The following MMP26 variants were observed in gnomAD, a reference collection of about 807,000 sequenced individuals.
MMP26 encodes the protein matrix metalloproteinase-26.
MMP26 carries 33 observed loss-of-function variants against 31.0 expected under a neutral mutation model. The ratio of observed to expected loss-of-function variants is 1.06; its 90% CI spans 0.81 to 1.42. MMP26 has a LOEUF of 1.42. Among genes scored for constraint, MMP26 ranks in the 40% most tolerant of loss-of-function variants. MMP26 has a pLI of 0.00. For synonymous variants in MMP26, 122 were observed against 114.9 expected, an observed-to-expected ratio of 1.06 and a Z score of -0.40; for missense variants, 347 against 316.1, an observed-to-expected ratio of 1.10 and a Z score of -0.74.
At chr11:4,745,059 C>T (rs2133295781) in intron 1 of MMP26, among the ~76,000 whole-genome samples, 1 of 152,086 alleles carries the variant, frequency 6.6e-6, no homozygotes, top group South Asian at 2.1e-4. Context: ...TCTTTTTTGA[C>T]TTGCTATGAC....
chr11:4,848,944 G>A, intron 2 of MMP26: 2 of 1,614,010 alleles, frequency 1.2e-6, no homozygotes, highest in African/African-American at 1.3e-5. Context: ...ATGCCCAGCA[G>A]TGTGGGCATC....
At chr11:4,724,094 C>A in intron 1 of MMP26, 1 of 638,474 alleles carries the variant, frequency 1.6e-6, no homozygotes, top group South Asian at 1.7e-5. Context: ...CAGGTCCACT[C>A]GTGTAGGAGC....
intron 2 of MMP26, among the ~76,000 whole-genome samples, chr11:4,911,284 G>C (rs1269059479): frequency 6.6e-6 from 1 of 152,112 alleles, no homozygotes; most frequent in Non-Finnish European, 1.5e-5. Context: ...TGCTTAGGAT[G>C]CTATTTTTCC....
chr11:4,774,105 T>G (rs969337070), intron 2 of MMP26, among the ~76,000 whole-genome samples: 3 of 152,230 alleles, frequency 2.0e-5, no homozygotes, highest in Non-Finnish European at 4.4e-5. Context: ...AACATACATG[T>G]ACATGTTTCT....
intron 2 of MMP26, chr11:4,882,179 A>C: frequency 6.2e-7 from 1 of 1,613,772 alleles, no homozygotes. Flanking sequence ...TGCCCGGGAG[A>C]TCAGCTTTAA....
chr11:4,958,583 T>C (rs1456973030), intron 2 of MMP26, among the ~76,000 whole-genome samples: 1 of 152,204 alleles, frequency 6.6e-6, no homozygotes, highest in East Asian at 1.9e-4. Flanking sequence ...TTCTCTATCA[T>C]CTATCATTTA....
rs1366380865 is a variant in MMP26, at chr11:4,776,089, C to G, written c.-145+8748C>G. 2.0e-5 allele frequency among the ~76,000 whole-genome samples: 3 copies of G among 152,014 alleles called. No individual in the cohort carries two copies. In the East Asian group the frequency reaches 5.8e-4, roughly 29 times the overall value. ...GAGTTGCTTCTCTTAAGATCATGGC[C>G]TCCAGTTTCATCCATTTTGCTTCAA... On this transcript the variant is annotated intron_variant, in intron 2 of 7. Coordinates refer to ENST00000380390, the MANE Select transcript of MMP26 (RefSeq NM_021801.5).
chr11:4,710,096 C>A (rs1384135780), intron 1 of MMP26: 1 of 456,820 alleles, frequency 2.2e-6, no homozygotes, highest in East Asian at 6.9e-5. Flanking sequence ...GTCATGTGCT[C>A]CACCATTCCT....
intron 2 of MMP26, among the ~76,000 whole-genome samples, chr11:4,900,733 C>T (rs1447327769): frequency 6.6e-6 from 1 of 152,180 alleles, no homozygotes; most frequent in African/African-American, 2.4e-5. Context: ...CATCCACATG[C>T]CACTTCATCC....
chr11:4,907,966 C>A (rs1850927724), intron 2 of MMP26: 1 of 1,613,974 alleles, frequency 6.2e-7, no homozygotes, highest in Admixed American at 1.7e-5. Context: ...TCATCTATGG[C>A]TTCTTCATTG....
intron 2 of MMP26, among the ~76,000 whole-genome samples, chr11:4,880,062 G>A (rs188179241): frequency 4.0e-4 from 61 of 152,198 alleles, no homozygotes; most frequent in African/African-American, 1.3e-3. Flanking sequence ...GGATTTGCTT[G>A]GGCCTGGGAG....
In MMP26 at chr11:4,826,427, A is replaced by G. The variant is rs564157437; in HGVS notation, c.-145+59086A>G. On this transcript the variant is annotated intron_variant, in intron 2 of 7. Coordinates refer to ENST00000380390, the MANE Select transcript of MMP26 (RefSeq NM_021801.5). ...CTAAGGAGAAGATATAGAAGAAGCT[A>G]TCTCAGCTTCAGTGCTGGCCTATTA... Among the ~76,000 whole-genome samples, 35 of 152,206 alleles carry G rather than the reference A, an allele frequency of 2.3e-4. 1 individual carries two copies. The East Asian group carries it at 5.6e-3, about 24-fold the overall frequency.
chr11:4,911,264 A>C (rs1324577293), intron 2 of MMP26, among the ~76,000 whole-genome samples: 1 of 152,162 alleles, frequency 6.6e-6, no homozygotes, highest in Admixed American at 6.5e-5. Flanking sequence ...TTTTCTCAGA[A>C]TATTTGCTTT....
chr11:4,910,230 A>G (rs761930391), intron 2 of MMP26, among the ~76,000 whole-genome samples: 3 of 152,068 alleles, frequency 2.0e-5, no homozygotes, highest in Non-Finnish European at 2.9e-5. Flanking sequence ...CTTCAAAGCC[A>G]GGAACATTGC....
intron 2 of MMP26, among the ~76,000 whole-genome samples, chr11:4,778,733 T>A (rs1258511624): frequency 3.3e-5 from 5 of 152,084 alleles, no homozygotes; most frequent in South Asian, 4.1e-4. Flanking sequence ...AACCTTATAA[T>A]TCATGAACAT....
intron 2 of MMP26, among the ~76,000 whole-genome samples, chr11:4,788,091 C>T (rs1289565445): frequency 6.6e-6 from 1 of 152,156 alleles, no homozygotes; most frequent in African/African-American, 2.4e-5. Flanking sequence ...TTTGAGGATA[C>T]ATGGATATCC....
intron 2 of MMP26, among the ~76,000 whole-genome samples, chr11:4,959,313 C>G (rs1334822255): frequency 2.7e-5 from 4 of 150,066 alleles, no homozygotes; most frequent in East Asian, 2.0e-4. Context: ...TTGGAAGGTA[C>G]TTACCACAAA....
At chr11:4,813,714 T>C (rs2133464112) in intron 2 of MMP26, among the ~76,000 whole-genome samples, 1 of 151,822 alleles carries the variant, frequency 6.6e-6, no homozygotes, top group African/African-American at 2.4e-5. Flanking sequence ...AGAGCTTCTT[T>C]AAAAAGTACA....
In MMP26 at chr11:4,936,109, A is replaced by T. The variant is rs1341273799; in HGVS notation, c.-144-51959A>T. ...GGCCTCATAAAATGAGTTAGGGAGG[A>T]TTCCTTCTTTTTCTATTGATTGGAA... On this transcript the variant is annotated intron_variant, in intron 2 of 7. Coordinates refer to ENST00000380390, the MANE Select transcript of MMP26 (RefSeq NM_021801.5). Among the ~76,000 whole-genome samples, 320 of 148,250 alleles carry T rather than the reference A, an allele frequency of 2.2e-3. 4 individuals carry two copies. Among genetic ancestry groups the T allele is most frequent in the Non-Finnish European group, 3.5e-3 (235 of 67,294 alleles).
Sources: allele counts gnomAD v4.1 joint callset (sites outside exome capture counted in the v4.1 genomes callset), GRCh38; gene constraint gnomAD v4.1.1; transcripts MANE v1.5; gene names NCBI Gene and HGNC (gene_info 2026-07-23, HGNC 2026-07-21).